Variants in HECW1 observed in about 807,000 individuals in gnomAD.
The protein encoded by HECW1 is E3 ubiquitin-protein ligase HECW1.
Under a neutral mutation model 182.3 loss-of-function variants are expected in HECW1, and 61 were observed. The ratio of observed to expected loss-of-function variants is 0.33; its 90% CI spans 0.27 to 0.41. The LOEUF is 0.41. Among genes scored for constraint, HECW1 ranks in the 10% least tolerant of loss-of-function variants. The pLI, the probability that HECW1 is intolerant of heterozygous loss-of-function variation, is 1.00. For missense variants in HECW1, 1,739 were observed against 2,108.9 expected (o/e 0.82, Z 3.44); for synonymous variants, 859 against 832.6 (o/e 1.03, Z -0.55).
intron 8 of HECW1, among the ~76,000 whole-genome samples, chr7:43,425,803 G>T (rs1006995604): frequency 6.6e-6 from 1 of 152,082 alleles, no homozygotes; most frequent in Non-Finnish European, 1.5e-5. Flanking sequence ...TGAGGGCAGA[G>T]CCTTCATGAC....
At chr7:43,464,158 A>T (rs1296714618) in intron 14 of HECW1, among the ~76,000 whole-genome samples, 2 of 152,246 alleles carry the variant, frequency 1.3e-5, no homozygotes, top group African/African-American at 4.8e-5. Flanking sequence ...TAAATGTTTT[A>T]TTTATTTATA....
At chr7:43,507,801 G>A (rs2079649366) in intron 22 of HECW1, among the ~76,000 whole-genome samples, 1 of 152,204 alleles carries the variant, frequency 6.6e-6, no homozygotes. Flanking sequence ...ATGATGGAAT[G>A]CACGAGAAGT....
chr7:43,362,147 A>G (rs964595201), intron 6 of HECW1, among the ~76,000 whole-genome samples: 6 of 151,730 alleles, frequency 4.0e-5, no homozygotes, highest in Non-Finnish European at 7.4e-5. Context: ...AAAAAAAAAA[A>G]AAAAAGAGAG....
chr7:43,281,436 A>G (rs1803889806), intron 3 of HECW1, among the ~76,000 whole-genome samples: 1 of 152,218 alleles, frequency 6.6e-6, no homozygotes, highest in African/African-American at 2.4e-5. Context: ...TCGTGGAAAT[A>G]CAATTATTCC....
intron 2 of HECW1, among the ~76,000 whole-genome samples, chr7:43,221,747 G>T: frequency 6.6e-6 from 1 of 151,590 alleles, no homozygotes; most frequent in East Asian, 1.9e-4. Context: ...TAGAGACAGG[G>T]TTTCACCGTA....
At chr7:43,168,691 T>C (rs574235269) in intron 2 of HECW1, among the ~76,000 whole-genome samples, 14 of 152,096 alleles carry the variant, frequency 9.2e-5, no homozygotes, top group African/African-American at 2.9e-4. Context: ...AATAATAGTA[T>C]GTATTAATCA....
chr7:43,126,698 C>T (rs1313439053), intron 2 of HECW1, among the ~76,000 whole-genome samples: 1 of 152,160 alleles, frequency 6.6e-6, no homozygotes, highest in African/African-American at 2.4e-5. Flanking sequence ...CTATCGGTGC[C>T]ATTTTTTCCA....
chr7:43,445,436 G>A lies in HECW1; in HGVS notation c.2264G>A (p.Ser755Asn). 6.2e-7 allele frequency: 1 copy of A among 1,613,274 alleles called. No individual in the cohort carries two copies. ...GAGTCGGTACCCGACTCCATGCAGA[G>A]CCCTGAGCTGGACCCGGAGTCCACG... ...AFESVPDSMQ[S>N]PELDPESTNG... The change falls in exon 11 of 30, where the codon AGC becomes AAC. Residue 755 changes from serine (S) to asparagine (N), a missense_variant. Physicochemically the swap from Ser to Asn is conservative, Grantham distance 46. Around this residue, in one of 5 missense-constraint regions of HECW1, gnomAD observed 971 missense variants for 1,029.1 expected, o/e 0.94. Transcript: ENST00000395891.
chr7:43,159,867 G>A (rs1200068237), intron 2 of HECW1, among the ~76,000 whole-genome samples: 1 of 151,954 alleles, frequency 6.6e-6, no homozygotes, highest in Non-Finnish European at 1.5e-5. Context: ...TTTCAGTAAA[G>A]ACAGATTTTC....
At chr7:43,134,386 T>G (rs1787292772) in intron 2 of HECW1, among the ~76,000 whole-genome samples, 1 of 99,246 alleles carries the variant, frequency 1.0e-5, no homozygotes, top group Non-Finnish European at 2.0e-5. Flanking sequence ...AGAGTGAGAC[T>G]CTGTCTCAAA....
In HECW1 at chr7:43,562,123, C is replaced by T. The variant is rs542100937; in HGVS notation, c.*197C>T. On this transcript the variant is annotated 3_prime_UTR_variant, in exon 30 of 30. Transcript: ENST00000395891. Reference sequence around the variant, plus strand: ...TAAGATCTAACCTTCAGGCTTCTCTCCTCTGTTTTCAATGAACTGCTAGCC... The same window carrying T: ...TAAGATCTAACCTTCAGGCTTCTCTTCTCTGTTTTCAATGAACTGCTAGCC... 157 of 553,936 alleles carry T rather than the reference C, an allele frequency of 2.8e-4. No homozygotes were observed. Among genetic ancestry groups the T allele is most frequent in the Non-Finnish European group, 3.9e-4 (121 of 307,906 alleles). The allele number at this position is 553,936 out of a possible 1,614,324, so 34.3% of individuals were successfully genotyped here.
intron 21 of HECW1, among the ~76,000 whole-genome samples, chr7:43,503,712 A>G (rs1222231352): frequency 6.6e-6 from 1 of 152,210 alleles, no homozygotes; most frequent in Non-Finnish European, 1.5e-5. Flanking sequence ...TATGAAATCT[A>G]CCCAGGTGCT....
chr7:43,171,976 G>C (rs1295720611), intron 2 of HECW1, among the ~76,000 whole-genome samples: 1 of 151,858 alleles, frequency 6.6e-6, no homozygotes, highest in African/African-American at 2.4e-5. Context: ...ATTGCTTATA[G>C]GTACAAAAAT....
chr7:43,480,423 A>G (rs1032367202), intron 17 of HECW1, among the ~76,000 whole-genome samples: 4 of 152,026 alleles, frequency 2.6e-5, no homozygotes, highest in African/African-American at 9.7e-5. Context: ...ATTTCTTTTT[A>G]TGTCCTAATT....
intron 2 of HECW1, among the ~76,000 whole-genome samples, chr7:43,202,499 A>C (rs1795094959): frequency 6.7e-6 from 1 of 150,214 alleles, no homozygotes; most frequent in Admixed American, 6.6e-5. Context: ...TTTGAAACAG[A>C]ATCTCACTCT....
At chr7:43,470,292 C>T (rs1425915588) in intron 16 of HECW1, among the ~76,000 whole-genome samples, 3 of 152,158 alleles carry the variant, frequency 2.0e-5, no homozygotes, top group African/African-American at 7.2e-5. Flanking sequence ...TATCAGAGCT[C>T]GGTTTCGGGT....
intron 3 of HECW1, among the ~76,000 whole-genome samples, chr7:43,261,364 A>G (rs1302533132): frequency 6.6e-6 from 1 of 152,232 alleles, no homozygotes; most frequent in Non-Finnish European, 1.5e-5. Flanking sequence ...TGAAGAGGGC[A>G]GAACCTTTTT....
intron 8 of HECW1, among the ~76,000 whole-genome samples, chr7:43,408,966 C>T (rs967003343): frequency 3.9e-5 from 6 of 152,192 alleles, no homozygotes; most frequent in African/African-American, 1.2e-4. Flanking sequence ...TTGATGGAAA[C>T]GTGCTCCCAC....
intron 5 of HECW1, among the ~76,000 whole-genome samples, chr7:43,351,919 T>C (rs148187116): frequency 6.6e-5 from 10 of 152,320 alleles, no homozygotes; most frequent in African/African-American, 2.4e-4. Context: ...TTCTCAACAG[T>C]ATATCCGTTT....
Sources: gnomAD v4.1 joint callset for allele counts (sites outside exome capture counted in the v4.1 genomes callset) on GRCh38, gnomAD v4.1.1 for gene constraint, gnomAD v4.1.1 regional missense constraint, MANE v1.5 for transcripts, NCBI Gene and HGNC (gene_info 2026-07-23, HGNC 2026-07-21) for gene names.